TSFM: variants seen among roughly 807,000 people sequenced by gnomAD.
TSFM encodes elongation factor Ts, mitochondrial.
TSFM carries 29 observed loss-of-function variants against 33.4 expected under a neutral mutation model. The observed-to-expected ratio is 0.87, with a 90% CI of 0.65 to 1.18. The LOEUF is 1.18. Ranked by LOEUF, TSFM falls within the 50% of genes most tolerant of loss-of-function variation. The probability of loss-of-function intolerance (pLI) is 0.00; values close to 1 mark genes in which losing one functional copy is unlikely to be tolerated. For missense variants in TSFM, 394 were observed against 395.6 expected (o/e 1.00, Z 0.04); for synonymous variants, 178 against 163.5 (o/e 1.09, Z -0.68).
downstream of TSFM, chr12:57,801,386 T>G (rs752171174): frequency 2.5e-5 from 13 of 525,966 alleles, no homozygotes; most frequent in Non-Finnish European, 4.1e-5. Flanking sequence ...TGAAAGGTGC[T>G]TAAACATAAC....
At chr12:57,794,004 A>G (rs1425401535) in intron 5 of TSFM, among the ~76,000 whole-genome samples, 1 of 152,184 alleles carries the variant, frequency 6.6e-6, no homozygotes, top group Non-Finnish European at 1.5e-5. Flanking sequence ...AGTATCCTTG[A>G]TGGAGGGTGG....
downstream of TSFM, chr12:57,799,943 C>T (rs772619803): frequency 3.7e-6 from 6 of 1,613,498 alleles, no homozygotes; most frequent in African/African-American, 6.7e-5. Context: ...AGAATGTAGG[C>T]ACAGGGAAAA....
At chr12:57,788,344 A>G (rs902519295) in intron 4 of TSFM, among the ~76,000 whole-genome samples, 7 of 151,618 alleles carry the variant, frequency 4.6e-5, no homozygotes, top group African/African-American at 1.7e-4. Context: ...CAGTGGTGCA[A>G]TCTTGGCTCA....
downstream of TSFM, chr12:57,797,829 T>C: frequency 7.5e-7 from 1 of 1,331,100 alleles, no homozygotes; most frequent in Non-Finnish European, 1.0e-6. Context: ...TTCCTGATAT[T>C]GGCACTATCT....
At chr12:57,795,804 A>G (rs898942870) in intron 5 of TSFM, among the ~76,000 whole-genome samples, 3 of 151,772 alleles carry the variant, frequency 2.0e-5, no homozygotes, top group Admixed American at 1.3e-4. Context: ...TAGTAGAAAC[A>G]GGGTTTCATC....
rs1955757975 is a variant in TSFM, at chr12:57,797,420, T to C, written c.*837T>C. 4.1e-6 allele frequency: 4 copies of C among 985,480 alleles called. No individual in the cohort carries two copies. The highest frequency in any genetic ancestry group is 4.8e-6 in the Non-Finnish European group (4 of 829,952). 61.0% of individuals were successfully genotyped at this position (985,480 alleles called of 1,614,324 possible). ...TTTATTTGAAAAGTGAAAAATGCTT[T>C]GACACATTACAGATCTGGGTATTTG... On this transcript the variant is annotated 3_prime_UTR_variant, in exon 6 of 6. Transcript: ENST00000652027.
At chr12:57,791,479 T>G (rs1245792045) in intron 4 of TSFM, among the ~76,000 whole-genome samples, 1 of 152,258 alleles carries the variant, frequency 6.6e-6, no homozygotes, top group Non-Finnish European at 1.5e-5. Flanking sequence ...ATTGTGGTTA[T>G]CCTTTCAGTA....
At chr12:57,799,612 T>C (rs963958888), downstream of TSFM, among the ~76,000 whole-genome samples, 1 of 152,142 alleles carries the variant, frequency 6.6e-6, no homozygotes, top group Non-Finnish European at 1.5e-5. Flanking sequence ...GATAGACTGA[T>C]GTAGGTGGAG....
chr12:57,784,230 A>G lies in TSFM; in HGVS notation c.231+947A>G, dbSNP rs552449819. ...AGTAAATAGGCATAAAAGATAAAAA[A>G]CGATACATCTCCATAGGGAACTTAT... On this transcript the variant is annotated intron_variant, in intron 2 of 5. Coordinates refer to ENST00000652027, the MANE Select transcript of TSFM (RefSeq NM_005726.6). 6.7e-3 allele frequency: 4,540 copies of G among 673,810 alleles called. 25 individuals are homozygous for G. The highest frequency in any genetic ancestry group is 9.5e-3 in the Non-Finnish European group (3,524 of 372,312). 41.7% of individuals were successfully genotyped at this position (673,810 alleles called of 1,614,324 possible).
chr12:57,793,029 C>T lies in TSFM; in HGVS notation c.527C>T (p.Pro176Leu), dbSNP rs770229452. 3 of 1,613,666 alleles carry T rather than the reference C, an allele frequency of 1.9e-6. No homozygotes were observed. Among genetic ancestry groups the T allele is most frequent in the South Asian group, 1.1e-5 (1 of 91,074 alleles). ...GAGCTTTCTGGACTTCCAGCTGGGC[C>T]TGACAGAGAAGGCTCACTCAAGGAT... ...SSELSGLPAG[P>L]DREGSLKDQL... Residue 176 changes from proline to leucine, a missense_variant, in exon 5 of 6, where the codon CCT (proline) becomes CTT (leucine). Physicochemically the swap from Pro to Leu is moderately conservative, Grantham distance 98. This residue lies in a region of TSFM where 186 missense variants were observed against 198.8 expected (regional missense o/e 0.94). Transcript: ENST00000652027.
downstream of TSFM, chr12:57,800,197 T>C: frequency 3.2e-6 from 1 of 315,712 alleles, no homozygotes; most frequent in Non-Finnish European, 5.9e-6. Flanking sequence ...CTGGATCTCA[T>C]TTGAATATTG....
At position 57,796,165 on chromosome 12, in the gene TSFM, T is replaced by G. The variant is rs774986902; in HGVS notation, c.572-12T>G. On this transcript the variant is annotated splice_polypyrimidine_tract_variant and intron_variant, in intron 5 of 5. Transcript: ENST00000652027. ...TTGTTGGTGTGTTGGTTTTTTGTTT[T>G]TGCTTTAATAGGAAAACTGGGAGAA... The G allele has an allele frequency of 7.7e-6, 12 of 1,560,856 alleles. No individual in the cohort carries two copies. The African/African-American group carries it at 1.6e-4, about 21-fold the overall frequency.
chr12:57,791,320 A>G (rs546145228), intron 4 of TSFM, among the ~76,000 whole-genome samples: 58 of 152,142 alleles, frequency 3.8e-4, no homozygotes, highest in Non-Finnish European at 5.9e-4. Flanking sequence ...GGCCAGGTTC[A>G]ATTTTATTTT....
intron 4 of TSFM, among the ~76,000 whole-genome samples, chr12:57,789,940 T>C (rs1955640523): frequency 6.6e-6 from 1 of 152,216 alleles, no homozygotes; most frequent in South Asian, 2.1e-4. Flanking sequence ...GTTTATGTCA[T>C]ACTTTCCTTT....
At chr12:57,799,902 G>A (rs79289432), downstream of TSFM, 115 of 1,614,164 alleles carry the variant, frequency 7.1e-5, no homozygotes, top group African/African-American at 1.3e-3. Context: ...TTCAGGGAGA[G>A]GGTTGCATTC....
chr12:57,784,444 TTTTTA>T (rs1202303221), intron 2 of TSFM, among the ~76,000 whole-genome samples: 5 of 152,260 alleles, frequency 3.3e-5, no homozygotes, highest in South Asian at 4.1e-4. Context: ...TAATGTAACA[TTTTTA>T]TTTTATAAAC....
chr12:57,795,631 TTTGTTTTTG>T (rs2140427889), intron 5 of TSFM, among the ~76,000 whole-genome samples: 1 of 151,872 alleles, frequency 6.6e-6, no homozygotes, highest in South Asian at 2.1e-4. Flanking sequence ...TTTTGTTTTT[TTTGTTTTTG>T]GAGAGAGTCT....
chr12:57,783,503 C>T lies in TSFM; in HGVS notation c.231+220C>T. 4.3e-6 allele frequency: 3 copies of T among 704,446 alleles called. No individual in the cohort carries two copies. The South Asian group carries it at 4.5e-5, about 11-fold the overall frequency. The allele number at this position is 704,446 out of a possible 1,614,324, so 43.6% of individuals were successfully genotyped here. A position where few individuals can be genotyped will look rare whatever the true frequency, so the allele number is the denominator to read the frequency against. ...AACAAACCAGACTGTTACGGTGTTT[C>T]TTGTTGCCTGGAGCTGAAAGGGTTT... On this transcript the variant is annotated intron_variant, in intron 2 of 5. Coordinates refer to ENST00000652027, the MANE Select transcript of TSFM (RefSeq NM_005726.6).
chr12:57,796,314 C>T lies in TSFM; in HGVS notation c.709C>T (p.Leu237=). The change falls in exon 6 of 6, where the codon CTG becomes TTG. Residue 237 remains leucine, a synonymous_variant. Coordinates refer to ENST00000652027, the MANE Select transcript of TSFM (RefSeq NM_005726.6). The part of the protein sequence containing the change: ...HKLVLGKYGA[L]VICETSEQKT... ...GCTGGTGCTGGGGAAGTATGGGGCC[C>T]TGGTCATCTGTGAGACGTCTGAACA... The T allele has an allele frequency of 6.2e-7, 1 of 1,611,470 alleles. No individual in the cohort carries two copies. The highest frequency in any genetic ancestry group is 8.5e-7 in the Non-Finnish European group (1 of 1,178,746).
Sources: allele counts gnomAD v4.1 joint callset (sites outside exome capture counted in the v4.1 genomes callset), GRCh38; gene constraint gnomAD v4.1.1; regional missense constraint gnomAD v4.1.1; transcripts MANE v1.5; gene names NCBI Gene and HGNC (gene_info 2026-07-23, HGNC 2026-07-21).